The following PDCD11 variants were observed in gnomAD, a reference collection of about 807,000 sequenced individuals.
PDCD11 encodes protein RRP5 homolog.
A neutral mutation model predicts 198.9 loss-of-function variants in PDCD11; 97 were observed. The observed-to-expected ratio is 0.49, with a 90% CI of 0.41 to 0.58. The LOEUF (loss-of-function observed/expected upper bound fraction) is 0.58. PDCD11 is among the 20% of genes least tolerant of loss of function. The pLI, the probability that PDCD11 is intolerant of heterozygous loss-of-function variation, is 0.00. For missense variants in PDCD11, 2,102 were observed against 2,312.7 expected (o/e 0.91, Z 1.87); for synonymous variants, 893 against 918.0 (o/e 0.97, Z 0.49).
At chr10:103,419,246 G>A (rs749572762) in intron 15 of PDCD11, among the ~76,000 whole-genome samples, 1 of 152,164 alleles carries the variant, frequency 6.6e-6, no homozygotes, top group Non-Finnish European at 1.5e-5. Context: ...CTGCAGATTA[G>A]TGAATCGGGA....
At position 103,445,781 on chromosome 10, in the gene PDCD11, C is replaced by A. The variant is rs761661147; in HGVS notation, c.*232C>A. On this transcript the variant is annotated 3_prime_UTR_variant, in exon 36 of 36. Transcript: ENST00000369797. Reference sequence around the variant, plus strand: ...TTATCTTTTTCCTTATCTGAGGCTACCTGGGGATTGTGGGCAGCAGGCCCC... The same window carrying A: ...TTATCTTTTTCCTTATCTGAGGCTAACTGGGGATTGTGGGCAGCAGGCCCC... 26 of 472,276 alleles carry A rather than the reference C, an allele frequency of 5.5e-5. No homozygotes were observed. The highest frequency in any genetic ancestry group is 8.0e-5 in the Non-Finnish European group (21 of 261,324). The allele number at this position is 472,276 out of a possible 1,614,324, so 29.3% of individuals were successfully genotyped here.
chr10:103,423,213 T>A, intron 18 of PDCD11, 76 bp downstream of exon 18: 1 of 1,403,294 alleles, frequency 7.1e-7, no homozygotes, highest in Non-Finnish European at 9.5e-7. Context: ...GGATATAGAA[T>A]TTCTAAATAC....
intron 6 of PDCD11, 43 bp from the exon 7 acceptor site, chr10:103,406,566 A>T: frequency 6.3e-7 from 1 of 1,585,240 alleles, no homozygotes. Flanking sequence ...AGTCCTTCTC[A>T]TAGATACATT....
chr10:103,443,284 A>C lies in PDCD11; in HGVS notation c.5075A>C (p.Lys1692Thr), dbSNP rs1410270268. The change falls in exon 33 of 36, where the codon AAA becomes ACA. Residue 1692 changes from lysine to threonine, a missense_variant. Coordinates refer to ENST00000369797, the MANE Select transcript of PDCD11 (RefSeq NM_014976.2). Reference sequence around the variant, plus strand: ...GCCGTGCAGTACAACGAGCCTCTCAAAGTCTTTCTCCACCTGGCTGACATC... The same window carrying C: ...GCCGTGCAGTACAACGAGCCTCTCACAGTCTTTCTCCACCTGGCTGACATC... The part of the protein sequence containing the change: ...ERAVQYNEPL[K>T]VFLHLADIYA... 6.2e-7 allele frequency: 1 copy of C among 1,612,564 alleles called. No homozygotes were observed.
chr10:103,423,769 C>A, intron 19 of PDCD11, 111 bp downstream of exon 19: 2 of 727,242 alleles, frequency 2.8e-6, no homozygotes, highest in Non-Finnish European at 4.8e-6. Flanking sequence ...AGCCCTATGT[C>A]TGGATGGATC....
chr10:103,442,197 C>T lies in PDCD11; in HGVS notation c.4708-16C>T, dbSNP rs2032413242. On this transcript the variant is annotated splice_polypyrimidine_tract_variant and intron_variant, in intron 31 of 35. Transcript: ENST00000369797. ...GAGGAGCAGATGACTCACGGTGTTT[C>T]TGCTTTCCATAGCAGATAAAGAAAA... 2 of 1,612,772 alleles carry T rather than the reference C, an allele frequency of 1.2e-6. No individual in the cohort carries two copies. Among genetic ancestry groups the T allele is most frequent in the Admixed American group, 1.7e-5 (1 of 59,930 alleles).
rs1164990985 is a variant in PDCD11 at position 103,425,426 on chromosome 10, TAGA to T, written c.3207_3209del (p.Asp1071del). 1 of 1,614,054 alleles carries T rather than the reference TAGA, an allele frequency of 6.2e-7. No homozygotes were observed. Among genetic ancestry groups the T allele is most frequent in the South Asian group, 1.1e-5 (1 of 91,076 alleles). On this transcript the variant is annotated inframe_deletion, in exon 20 of 36. Coordinates refer to ENST00000369797, the MANE Select transcript of PDCD11 (RefSeq NM_014976.2). ...GGCTGTATCCATGCCTCCCACATTC[TAGA>T]TGATGTTCCAGAGGGCACCTCTCCT...
At chr10:103,414,438 C>A in intron 11 of PDCD11, 108 bp downstream of exon 11, 1 of 731,382 alleles carries the variant, frequency 1.4e-6, no homozygotes, top group South Asian at 1.7e-5. Context: ...CATTGAATGT[C>A]ATGTTCCTTG....
rs1176991975 is a variant in PDCD11, at chr10:103,421,609, A to G, written c.2497+42A>G. 3.5e-6 allele frequency: 5 copies of G among 1,443,718 alleles called. No individual in the cohort carries two copies. The South Asian group carries it at 4.9e-5, about 14-fold the overall frequency. The allele number at this position is 1,443,718 out of a possible 1,614,324, so 89.4% of individuals were successfully genotyped here. A position where few individuals can be genotyped will look rare whatever the true frequency, so the allele number is the denominator to read the frequency against. On this transcript the variant is annotated intron_variant, in intron 17 of 35. Coordinates refer to ENST00000369797, the MANE Select transcript of PDCD11 (RefSeq NM_014976.2). Reference sequence around the variant, plus strand: ...GCAGGGGAGGTGGGCCAGGGGTGGGAGTATGTGTTGTAAATTACACCTGTT... The same window carrying G: ...GCAGGGGAGGTGGGCCAGGGGTGGGGGTATGTGTTGTAAATTACACCTGTT...
rs372392783 is a variant in PDCD11 at position 103,440,506 on chromosome 10, G to A, written c.4365G>A (p.Lys1455=). ...AGGAGGAGGTGGAGATGCCCAGCAAGGAGAAGCAACAGCCCCAGAAGCCAC... is the reference window on the plus strand; with the variant it reads ...AGGAGGAGGTGGAGATGCCCAGCAAAGAGAAGCAACAGCCCCAGAAGCCAC... ...KGQEEVEMPS[K]EKQQPQKPQA... The change falls in exon 29 of 36, where the codon AAG becomes AAA. Residue 1455 remains lysine, a synonymous_variant. Transcript: ENST00000369797. The A allele has an allele frequency of 6.9e-5, 111 of 1,613,764 alleles. No homozygotes were observed. The highest frequency in any genetic ancestry group is 1.7e-4 in the African/African-American group (13 of 75,068).
intron 1 of PDCD11, among the ~76,000 whole-genome samples, chr10:103,396,979 T>G (rs112278220): frequency 0.01 from 1,525 of 152,236 alleles, 10 homozygotes; most frequent in Non-Finnish European, 0.014. Context: ...GAAAGGAAAT[T>G]AAGGGTGAAA....
chr10:103,425,095 C>T lies in PDCD11; in HGVS notation c.2875C>T (p.Leu959Phe), dbSNP rs568839783. The change falls in exon 20 of 36, where the codon CTC becomes TTC. Residue 959 changes from leucine to phenylalanine, a missense_variant. Coordinates refer to ENST00000369797, the MANE Select transcript of PDCD11 (RefSeq NM_014976.2). Reference protein sequence around the residue: ...HLAAFSLTSHLNDTFRFDSEK... With the variant: ...HLAAFSLTSHFNDTFRFDSEK... ...GGCAGCTTTCTCCCTGACCTCTCAC[C>T]TCAACGACACCTTCCGCTTTGACTC... 3.7e-6 allele frequency: 6 copies of T among 1,614,138 alleles called. No homozygotes were observed. The African/African-American group carries it at 5.3e-5, about 14-fold the overall frequency.
chr10:103,402,943 A>G (rs1456721716), intron 3 of PDCD11, among the ~76,000 whole-genome samples, 175 bp from the exon 4 acceptor site: 1 of 151,600 alleles, frequency 6.6e-6, no homozygotes, highest in Non-Finnish European at 1.5e-5. Flanking sequence ...CTGGTCTGAA[A>G]CTCCTGAGCC....
intron 7 of PDCD11, 33 bp downstream of exon 7, chr10:103,406,823 TAAA>T (rs772248180): frequency 6.6e-7 from 1 of 1,509,034 alleles, no homozygotes. Flanking sequence ...CTTTTTAAAA[TAAA>T]AATAATTCTT....
chr10:103,408,238 A>C (rs1000320703), intron 7 of PDCD11, among the ~76,000 whole-genome samples: 4 of 151,874 alleles, frequency 2.6e-5, no homozygotes, highest in Admixed American at 2.0e-4. Flanking sequence ...AGGATGGACT[A>C]GTTGCTCTGT....
At chr10:103,400,215 C>T (rs1028788514) in intron 2 of PDCD11, among the ~76,000 whole-genome samples, 182 bp from the exon 3 acceptor site, 102 of 141,172 alleles carry the variant, frequency 7.2e-4, no homozygotes, top group Admixed American at 9.4e-4. Context: ...GGAACATTGG[C>T]GGCCCCCCCC....
intron 15 of PDCD11, 43 bp downstream of exon 15, chr10:103,418,677 C>G: frequency 6.5e-7 from 1 of 1,526,906 alleles, no homozygotes. Context: ...AGGTGGGGGG[C>G]CATGGGTGCT....
intron 22 of PDCD11, 115 bp downstream of exon 22, chr10:103,432,349 C>G (rs1372523908): frequency 1.3e-5 from 10 of 745,710 alleles, no homozygotes; most frequent in South Asian, 1.3e-4. Flanking sequence ...TGCTACCATG[C>G]TGGGTTTGTG....
At chr10:103,422,074 T>G (rs1202681551) in intron 17 of PDCD11, among the ~76,000 whole-genome samples, 1 of 144,120 alleles carries the variant, frequency 6.9e-6, no homozygotes, top group Non-Finnish European at 1.5e-5. Context: ...ATTATTATTA[T>G]TATTATTATT....
Sources: allele counts gnomAD v4.1 joint callset (sites outside exome capture counted in the v4.1 genomes callset), GRCh38; gene constraint gnomAD v4.1.1; transcripts MANE v1.5; gene names NCBI Gene and HGNC (gene_info 2026-07-23, HGNC 2026-07-21).